Variants in NTN4 observed in about 807,000 individuals in gnomAD.
NTN4 encodes netrin-4.
NTN4 carries 32 observed loss-of-function variants against 73.6 expected under a neutral mutation model. The ratio of observed to expected loss-of-function variants is 0.44; its 90% CI spans 0.33 to 0.58. The LOEUF (loss-of-function observed/expected upper bound fraction) is 0.58. NTN4 is among the 20% of genes least tolerant of loss of function. The probability of loss-of-function intolerance (pLI) is 0.04; values close to 1 mark genes in which losing one functional copy is unlikely to be tolerated. For missense variants in NTN4, 654 were observed against 798.3 expected (o/e 0.82, Z 2.18); for synonymous variants, 258 against 287.5 (o/e 0.90, Z 1.04).
intron 2 of NTN4, among the ~76,000 whole-genome samples, chr12:95,751,561 C>G: frequency 6.6e-6 from 1 of 151,932 alleles, no homozygotes; most frequent in South Asian, 2.1e-4. Flanking sequence ...GTTCAACTCA[C>G]CTGGCAGCCA....
At chr12:95,672,669 C>T (rs2078242321) in intron 7 of NTN4, 3 of 1,478,734 alleles carry the variant, frequency 2.0e-6, no homozygotes, top group Non-Finnish European at 1.9e-6. Flanking sequence ...TATGATGTCC[C>T]ACCACCCTGC....
intron 2 of NTN4, among the ~76,000 whole-genome samples, chr12:95,746,748 A>G (rs2121203094): frequency 6.6e-6 from 1 of 152,286 alleles, no homozygotes; most frequent in East Asian, 1.9e-4. Flanking sequence ...CAGGAAATCC[A>G]TCGAGCTCTA....
chr12:95,757,564 A>C (rs969715712), intron 2 of NTN4, among the ~76,000 whole-genome samples: 3 of 152,168 alleles, frequency 2.0e-5, no homozygotes, highest in African/African-American at 7.2e-5. Context: ...AGTGGGGAGC[A>C]GGGGAAGAAC....
At chr12:95,745,418 C>T (rs1250722535) in intron 2 of NTN4, among the ~76,000 whole-genome samples, 1 of 152,028 alleles carries the variant, frequency 6.6e-6, no homozygotes, top group East Asian at 1.9e-4. Context: ...ATCTTTTCTT[C>T]TACAATGTCT....
chr12:95,681,372 CTG>C (rs376876735), intron 7 of NTN4, among the ~76,000 whole-genome samples: 23 of 152,260 alleles, frequency 1.5e-4, no homozygotes, highest in African/African-American at 5.5e-4. Flanking sequence ...TCAAAAGCAT[CTG>C]TAACATTTTA....
chr12:95,740,709 GATA>G (rs1423043103), intron 2 of NTN4, among the ~76,000 whole-genome samples: 1 of 152,142 alleles, frequency 6.6e-6, no homozygotes, highest in African/African-American at 2.4e-5. Flanking sequence ...ATGCCAACTT[GATA>G]ATATCTTTCT....
chr12:95,751,546 G>A (rs1168906493), intron 2 of NTN4, among the ~76,000 whole-genome samples: 3 of 151,906 alleles, frequency 2.0e-5, no homozygotes, highest in African/African-American at 4.8e-5. Flanking sequence ...ACTGAAAATC[G>A]GACTGTTCAA....
intron 2 of NTN4, among the ~76,000 whole-genome samples, chr12:95,754,687 G>A (rs2078935904): frequency 6.6e-6 from 1 of 151,906 alleles, no homozygotes; most frequent in Non-Finnish European, 1.5e-5. Context: ...AGCACCTTGT[G>A]ACCCCTACCC....
chr12:95,780,365 T>C (rs984318795), intron 2 of NTN4, among the ~76,000 whole-genome samples: 13 of 151,966 alleles, frequency 8.6e-5, no homozygotes, highest in African/African-American at 1.2e-4. Context: ...GAACAGGCAA[T>C]CTACAGAATG....
At chr12:95,669,518 T>A (rs888241532) in intron 8 of NTN4, among the ~76,000 whole-genome samples, 1 of 152,148 alleles carries the variant, frequency 6.6e-6, no homozygotes, top group African/African-American at 2.4e-5. Flanking sequence ...TGCTGCATGC[T>A]TTTCAAACAT....
At chr12:95,773,652 G>A (rs1413938620) in intron 2 of NTN4, among the ~76,000 whole-genome samples, 1 of 151,560 alleles carries the variant, frequency 6.6e-6, no homozygotes, top group Non-Finnish European at 1.5e-5. Context: ...GTCCTTATTC[G>A]AACGTCTCAA....
intron 2 of NTN4, among the ~76,000 whole-genome samples, chr12:95,778,234 A>G (rs1401022885): frequency 6.6e-6 from 1 of 152,212 alleles, no homozygotes; most frequent in Non-Finnish European, 1.5e-5. Flanking sequence ...TGACACCCTA[A>G]CATCACAATT....
intron 3 of NTN4, among the ~76,000 whole-genome samples, chr12:95,737,299 G>C (rs1013024100): frequency 3.9e-5 from 6 of 152,176 alleles, no homozygotes; most frequent in Admixed American, 3.3e-4. Context: ...GTTCCTCAGA[G>C]AGTTCGTGGT....
chr12:95,712,787 C>CTTTTTTTTT (rs35614636), intron 4 of NTN4, among the ~76,000 whole-genome samples: 3,174 of 105,552 alleles, frequency 0.03, 2 homozygotes, highest in Non-Finnish European at 0.037. Context: ...TTCTTTCTTT[C>CTTTTTTTTT]TTTTTTTTTT....
chr12:95,725,298 A>G (rs1000755002), intron 3 of NTN4, among the ~76,000 whole-genome samples: 1 of 152,126 alleles, frequency 6.6e-6, no homozygotes, highest in Non-Finnish European at 1.5e-5. Context: ...GAATGAAGGA[A>G]GGTGTTGTAG....
intron 2 of NTN4, among the ~76,000 whole-genome samples, chr12:95,760,731 G>C (rs2078981565): frequency 6.8e-6 from 1 of 147,226 alleles, no homozygotes; most frequent in Non-Finnish European, 1.5e-5. Context: ...AGTGGGGAAA[G>C]AAGAGGGGGG....
At chr12:95,728,808 G>A (rs919949630) in intron 3 of NTN4, among the ~76,000 whole-genome samples, 2 of 152,098 alleles carry the variant, frequency 1.3e-5, no homozygotes, top group African/African-American at 4.8e-5. Flanking sequence ...GGTGGGAGGC[G>A]ATTGGATCAT....
intron 3 of NTN4, among the ~76,000 whole-genome samples, chr12:95,734,398 G>C (rs893851978): frequency 6.6e-6 from 1 of 152,138 alleles, no homozygotes; most frequent in African/African-American, 2.4e-5. Context: ...GTAGGTCTGG[G>C]GTAAGGTTTG....
chr12:95,672,572 C>G (rs769081236), intron 7 of NTN4: 3 of 1,520,790 alleles, frequency 2.0e-6, no homozygotes, highest in Non-Finnish European at 2.7e-6. Context: ...CCTCAATGAG[C>G]GGCACTATGG....
Sources: allele counts gnomAD v4.1 joint callset (sites outside exome capture counted in the v4.1 genomes callset), GRCh38; gene constraint gnomAD v4.1.1; transcripts MANE v1.5; gene names NCBI Gene and HGNC (gene_info 2026-07-23, HGNC 2026-07-21).